Variants in MTRES1 observed in about 807,000 individuals in gnomAD.
MTRES1 encodes the protein mitochondrial transcription rescue factor 1, also known as uncharacterized protein C6orf203.
A neutral mutation model predicts 17.4 loss-of-function variants in MTRES1; 11 were observed. The observed-to-expected ratio is 0.63, with a 90% CI of 0.40 to 1.05. MTRES1 has a LOEUF of 1.05. Among genes scored for constraint, MTRES1 ranks in the 50% least tolerant of loss-of-function variants. MTRES1 has a pLI of 0.00. For synonymous variants in MTRES1, 94 were observed against 99.6 expected, an observed-to-expected ratio of 0.94 and a Z score of 0.34; for missense variants, 268 against 276.2, an observed-to-expected ratio of 0.97 and a Z score of 0.21.
intron 1 of MTRES1, chr6:107,028,516 G>C (rs1554225946): frequency 6.6e-6 from 1 of 152,262 alleles, no homozygotes; most frequent in African/African-American, 2.4e-5. Flanking sequence ...ACCCGGGGAC[G>C]CAGTTGTCCA....
intron 1 of MTRES1, among the ~76,000 whole-genome samples, chr6:107,039,073 T>TA (rs1367233842): frequency 6.6e-6 from 1 of 151,854 alleles, no homozygotes; most frequent in Non-Finnish European, 1.5e-5. Context: ...TAATAATAAA[T>TA]AAAAAAACAA....
chr6:107,044,968 C>T (rs9918421), intron 3 of MTRES1, among the ~76,000 whole-genome samples: 2,883 of 151,868 alleles, frequency 0.019, 95 homozygotes, highest in African/African-American at 0.067. Context: ...GCCAGCAGAT[C>T]GCTTGAGCCC....
In MTRES1 at chr6:107,039,939, A is replaced by T; in HGVS notation, c.179A>T (p.Tyr60Phe). Residue 60 changes from tyrosine to phenylalanine, a missense_variant, in exon 2 of 4, where the codon TAT becomes TTT. Coordinates refer to ENST00000311381, the MANE Select transcript of MTRES1 (RefSeq NM_016487.5). ...GCACCAAATTATAAAACACTTTTTTATAATATTTTCTCACTGAGACTCCCA... is the reference window on the plus strand; with the variant it reads ...GCACCAAATTATAAAACACTTTTTTTTAATATTTTCTCACTGAGACTCCCA... ...LRAPNYKTLFYNIFSLRLPGL... is the reference protein window; with the variant it reads ...LRAPNYKTLFFNIFSLRLPGL... The T allele has an allele frequency of 6.2e-7, 1 of 1,613,858 alleles. No individual in the cohort carries two copies. The highest frequency in any genetic ancestry group is 8.5e-7 in the Non-Finnish European group (1 of 1,179,746).
chr6:107,047,844 C>T (rs1774442710), intron 3 of MTRES1, among the ~76,000 whole-genome samples: 1 of 151,920 alleles, frequency 6.6e-6, no homozygotes, highest in African/African-American at 2.4e-5. Context: ...CAAGATCGCG[C>T]CATTGCACTC....
At chr6:107,041,559 T>C (rs1774216657) in intron 2 of MTRES1, among the ~76,000 whole-genome samples, 1 of 152,190 alleles carries the variant, frequency 6.6e-6, no homozygotes, top group African/African-American at 2.4e-5. Flanking sequence ...GGAGTCTTGC[T>C]CTGTTGCCCA....
chr6:107,030,182 T>C, intron 1 of MTRES1: 1 of 718,172 alleles, frequency 1.4e-6, no homozygotes, highest in Non-Finnish European at 2.6e-6. Context: ...GCAGATGAGG[T>C]TGGAGAGGAA....
intron 1 of MTRES1, 108 bp from the exon 2 acceptor site, chr6:107,039,641 A>G: frequency 8.3e-7 from 1 of 1,210,358 alleles, no homozygotes; most frequent in Admixed American, 3.1e-5. Flanking sequence ...TTTAGGGGCG[A>G]ATACGTATAG....
In MTRES1 at chr6:107,039,774, G is replaced by C. The variant is rs1774129254; in HGVS notation, c.14G>C (p.Ser5Thr). Reference sequence around the variant, plus strand: ...ATTATAAGCGCCATGGCTATGGCTAGTGTTAAATTGCTTGCCGGTGTTTTA... The same window carrying C: ...ATTATAAGCGCCATGGCTATGGCTACTGTTAAATTGCTTGCCGGTGTTTTA... MAMA[S>T]VKLLAGVLRK... Residue 5 changes from serine (S) to threonine (T), a missense_variant, in exon 2 of 4, where the codon AGT (serine) becomes ACT (threonine). Physicochemically the swap from Ser to Thr is moderately conservative, Grantham distance 58. Transcript: ENST00000311381. 2.5e-6 allele frequency: 4 copies of C among 1,605,754 alleles called. No individual in the cohort carries two copies. Among genetic ancestry groups the C allele is most frequent in the Admixed American group, 1.7e-5 (1 of 57,870 alleles).
Position 107,045,368 on chromosome 6 carries a change from C to T in MTRES1, c.543+1036C>T, listed in dbSNP as rs556624908. Reference sequence around the variant, plus strand: ...GTGTGGTGGTGGGCGCCTGTAGTCCCAGCTACTTGGGAGGCTGAGGCAGGA... The same window carrying T: ...GTGTGGTGGTGGGCGCCTGTAGTCCTAGCTACTTGGGAGGCTGAGGCAGGA... On this transcript the variant is annotated intron_variant, in intron 3 of 3. Transcript: ENST00000311381. Among the ~76,000 whole-genome samples, 45 of 152,024 alleles carry T rather than the reference C, an allele frequency of 3.0e-4. 1 individual carries two copies. The highest frequency in any genetic ancestry group is 9.9e-4 in the African/African-American group (41 of 41,468).
intron 3 of MTRES1, among the ~76,000 whole-genome samples, chr6:107,049,514 T>C (rs1208606667): frequency 1.4e-5 from 2 of 144,742 alleles, no homozygotes; most frequent in Admixed American, 7.2e-5. Flanking sequence ...CCCGGATTCA[T>C]GCCATTCTTC....
intron 1 of MTRES1, among the ~76,000 whole-genome samples, chr6:107,036,999 C>G (rs1467292306): frequency 6.6e-6 from 1 of 151,590 alleles, no homozygotes; most frequent in Non-Finnish European, 1.5e-5. Context: ...AGGCTGGTCT[C>G]AAACTCCTGG....
At chr6:107,039,077 A>T (rs540900402) in intron 1 of MTRES1, among the ~76,000 whole-genome samples, 4 of 152,246 alleles carry the variant, frequency 2.6e-5, no homozygotes, top group South Asian at 2.1e-4. Flanking sequence ...AATAAATAAA[A>T]AAACAAACAT....
intron 1 of MTRES1, among the ~76,000 whole-genome samples, chr6:107,029,431 C>T (rs1349680936): frequency 6.6e-6 from 1 of 152,046 alleles, no homozygotes; most frequent in African/African-American, 2.4e-5. Flanking sequence ...TCCTGATCCG[C>T]ACGCCTAAGC....
chr6:107,048,778 CAAAA>C (rs10599769), intron 3 of MTRES1, among the ~76,000 whole-genome samples: 14 of 112,870 alleles, frequency 1.2e-4, no homozygotes, highest in South Asian at 3.1e-4. Context: ...GACTCCATGT[CAAAA>C]AAAAAAAAAA....
At chr6:107,044,509 C>G (rs1049680448) in intron 3 of MTRES1, among the ~76,000 whole-genome samples, 177 bp downstream of exon 3, 3 of 152,184 alleles carry the variant, frequency 2.0e-5, no homozygotes, top group Non-Finnish European at 2.9e-5. Flanking sequence ...CAGGCACTTT[C>G]ACTTTTGCAG....
rs782140836 is a variant in MTRES1 at position 107,041,781 on chromosome 6, G to A, written c.470+1551G>A. ...CTGACCTCGTGATCCACCCACCTCC[G>A]CTCCCAAAGTGCTGGGATTACAGGC... is the stretch of plus-strand genomic sequence containing the variant. On this transcript the variant is annotated intron_variant, in intron 2 of 3. Coordinates refer to ENST00000311381, the MANE Select transcript of MTRES1 (RefSeq NM_016487.5). 5.9e-5 allele frequency among the ~76,000 whole-genome samples: 9 copies of A among 151,816 alleles called. 1 individual carries two copies. Among genetic ancestry groups the A allele is most frequent in the Admixed American group, 2.0e-4 (3 of 15,226 alleles).
chr6:107,046,938 G>A (rs1183140701), intron 3 of MTRES1, among the ~76,000 whole-genome samples: 1 of 23,930 alleles, frequency 4.2e-5, no homozygotes, highest in African/African-American at 9.5e-5. Context: ...TCTTGTGTGT[G>A]TGTGTGTGTG....
At chr6:107,036,504 C>A (rs1477891335) in intron 1 of MTRES1, among the ~76,000 whole-genome samples, 1 of 151,918 alleles carries the variant, frequency 6.6e-6, no homozygotes, top group African/African-American at 2.4e-5. Flanking sequence ...CGAGCCGTTT[C>A]ACTCCAGCCT....
chr6:107,042,182 T>C lies in MTRES1; in HGVS notation c.470+1952T>C, dbSNP rs1395263190. Among the ~76,000 whole-genome samples, 4 of 151,432 alleles carry C rather than the reference T, an allele frequency of 2.6e-5. No individual in the cohort carries two copies. The East Asian group carries it at 7.8e-4, about 30-fold the overall frequency. ...AGTGAAACCCTGTCTCTACTAAAAA[T>C]ACAAAAAATTGGCCGGGCGTGGTGG... On this transcript the variant is annotated intron_variant, in intron 2 of 3. Coordinates refer to ENST00000311381, the MANE Select transcript of MTRES1 (RefSeq NM_016487.5).
Sources: gnomAD v4.1 joint callset for allele counts (sites outside exome capture counted in the v4.1 genomes callset) on GRCh38, gnomAD v4.1.1 for gene constraint, MANE v1.5 for transcripts, NCBI Gene and HGNC (gene_info 2026-07-23, HGNC 2026-07-21) for gene names.